The following GRIK3 variants were observed in gnomAD, a reference collection of about 807,000 sequenced individuals.
GRIK3 encodes glutamate receptor ionotropic, kainate 3.
GRIK3 carries 29 observed loss-of-function variants against 102.5 expected under a neutral mutation model. The ratio of observed to expected loss-of-function variants is 0.28; its 90% confidence interval spans 0.21 to 0.39. The LOEUF (loss-of-function observed/expected upper bound fraction) is 0.39. Among genes scored for constraint, GRIK3 ranks in the 10% least tolerant of loss-of-function variants. The pLI, the probability that GRIK3 is intolerant of heterozygous loss-of-function variation, is 1.00. For synonymous variants in GRIK3, 511 were observed against 504.9 expected (o/e 1.01, Z -0.16); for missense variants, 908 against 1,252.4 (o/e 0.73, Z 4.15).
At chr1:36,944,799 C>T (rs373735454) in intron 1 of GRIK3, among the ~76,000 whole-genome samples, 3 of 152,192 alleles carry the variant, frequency 2.0e-5, no homozygotes, top group Non-Finnish European at 2.9e-5. Flanking sequence ...ACCACCTTGA[C>T]GTCTCAAGGC....
At chr1:36,961,406 A>T (rs1445258940) in intron 1 of GRIK3, among the ~76,000 whole-genome samples, 3 of 151,752 alleles carry the variant, frequency 2.0e-5, no homozygotes, top group African/African-American at 7.3e-5. Flanking sequence ...CAGAGGAAAA[A>T]AAAGCAGAAG....
chr1:36,952,947 G>C (rs185590583), intron 1 of GRIK3, among the ~76,000 whole-genome samples: 14 of 152,320 alleles, frequency 9.2e-5, no homozygotes, highest in African/African-American at 2.6e-4. Context: ...CTTGTACAAG[G>C]CAGCTGACAG....
intron 1 of GRIK3, among the ~76,000 whole-genome samples, chr1:36,987,955 G>A (rs1642324050): frequency 6.6e-6 from 1 of 152,192 alleles, no homozygotes; most frequent in Non-Finnish European, 1.5e-5. Flanking sequence ...GGGCACGAAA[G>A]TCACCAGGTC....
At chr1:36,930,143 TGACCC>T (rs1418643876) in intron 1 of GRIK3, among the ~76,000 whole-genome samples, 1 of 152,236 alleles carries the variant, frequency 6.6e-6, no homozygotes, top group Non-Finnish European at 1.5e-5. Flanking sequence ...TCACACAGGA[TGACCC>T]TAATACAATG....
intron 1 of GRIK3, among the ~76,000 whole-genome samples, chr1:36,903,943 G>T (rs1641257814): frequency 6.6e-6 from 1 of 152,078 alleles, no homozygotes; most frequent in African/African-American, 2.4e-5. Context: ...CACCAAGAAT[G>T]AACCTTAATG....
Position 36,806,073 on chromosome 1 carries a change from C to A in GRIK3, c.2314+31G>T. On this transcript the variant is annotated intron_variant, in intron 14 of 15. Transcript: ENST00000373091. The surrounding 1 kb of genome is among the most constrained non-coding windows in gnomAD (Gnocchi z 4.0). ...TGGAGCCCTCCCTCTGCCCACACAC[C>A]CACCCCTCCCACAGGCAGCCCCTCG... 1.3e-6 allele frequency: 2 copies of A among 1,520,420 alleles called. No homozygotes were observed. The highest frequency in any genetic ancestry group is 1.8e-6 in the Non-Finnish European group (2 of 1,099,998). 94.2% of individuals were successfully genotyped at this position (1,520,420 alleles called of 1,614,324 possible).
At chr1:36,976,628 T>C (rs965848649) in intron 1 of GRIK3, among the ~76,000 whole-genome samples, 1 of 152,162 alleles carries the variant, frequency 6.6e-6, no homozygotes, top group Non-Finnish European at 1.5e-5. Flanking sequence ...TGAAATCGAC[T>C]GCATCTCAAG....
At chr1:36,842,827 G>C (rs1000407199) in intron 9 of GRIK3, among the ~76,000 whole-genome samples, 1 of 152,210 alleles carries the variant, frequency 6.6e-6, no homozygotes, top group Non-Finnish European at 1.5e-5. Context: ...AGTTGTGCAA[G>C]CACCCCTAGC....
At position 36,872,372 on chromosome 1, in the gene GRIK3, G is replaced by A; in HGVS notation, c.551-3C>T. 6.3e-7 allele frequency: 1 copy of A among 1,583,830 alleles called. No individual in the cohort carries two copies. The highest frequency in any genetic ancestry group is 1.1e-5 in the South Asian group (1 of 87,154). ...GAGCTCCTGCAGTCGGATGAGCCCT[G>A]AGGGGCCATGGAGCACAAAAGACAC... On this transcript the variant is annotated splice_region_variant and splice_polypyrimidine_tract_variant and intron_variant, in intron 3 of 15. Coordinates refer to ENST00000373091, the MANE Select transcript of GRIK3 (RefSeq NM_000831.4). This position sits in a 1 kb window ranked among gnomAD's most constrained non-coding sequence, Gnocchi z 5.9.
At chr1:36,820,122 A>C (rs1007343599) in intron 11 of GRIK3, among the ~76,000 whole-genome samples, 4 of 152,218 alleles carry the variant, frequency 2.6e-5, no homozygotes, top group Non-Finnish European at 4.4e-5. Context: ...TCCATCCCAG[A>C]AAAAGCACTC....
intron 1 of GRIK3, among the ~76,000 whole-genome samples, chr1:36,974,337 T>C (rs1268911357): frequency 1.3e-5 from 2 of 152,234 alleles, no homozygotes; most frequent in Admixed American, 6.5e-5. Flanking sequence ...TTATTAGTTA[T>C]GTACCTATGG....
intron 1 of GRIK3, among the ~76,000 whole-genome samples, chr1:36,996,535 C>T (rs1003004812): frequency 6.6e-6 from 1 of 152,164 alleles, no homozygotes; most frequent in Admixed American, 6.5e-5. Flanking sequence ...GAGGACAGGG[C>T]TACTCAAAGA....
chr1:36,949,117 C>T (rs181978796), intron 1 of GRIK3, among the ~76,000 whole-genome samples: 6 of 152,324 alleles, frequency 3.9e-5, no homozygotes, highest in African/African-American at 1.2e-4. Flanking sequence ...CAGCCCTGCA[C>T]TGTGGAACAG....
intron 1 of GRIK3, among the ~76,000 whole-genome samples, chr1:36,915,148 T>C (rs1398645489): frequency 6.6e-6 from 1 of 152,218 alleles, no homozygotes; most frequent in African/African-American, 2.4e-5. Context: ...TGTCAAGTAC[T>C]GGGCATACAG....
chr1:36,945,305 A>C (rs3767081), intron 1 of GRIK3, among the ~76,000 whole-genome samples: 42,015 of 152,236 alleles, frequency 0.28, 7,331 homozygotes, highest in East Asian at 0.61. Context: ...TAGAAGAAGC[A>C]GTGGAGTGGA....
In GRIK3 at chr1:36,801,947, A is replaced by C. The variant is rs772179561; in HGVS notation, c.2664T>G (p.Thr888=). 1.9e-6 allele frequency: 3 copies of C among 1,614,054 alleles called. No homozygotes were observed. The highest frequency in any genetic ancestry group is 2.5e-6 in the Non-Finnish European group (3 of 1,180,032). ...ATGTGTGCATGTTGATGACGGCGTC[A>C]GTCTTGACCATCATGGGAGGCTGAG... ...HKPQPPMMVK[T]DAVINMHTFN... is the part of the protein sequence containing the mutation. The change falls in exon 16 of 16, where the codon ACT becomes ACG. Residue 888 remains threonine, a synonymous_variant. Coordinates refer to ENST00000373091, the MANE Select transcript of GRIK3 (RefSeq NM_000831.4).
chr1:37,009,924 C>T lies in GRIK3; in HGVS notation c.115+24070G>A, dbSNP rs1642572650. 2.0e-5 allele frequency among the ~76,000 whole-genome samples: 3 copies of T among 152,090 alleles called. No homozygotes were observed. In the South Asian group the frequency reaches 6.2e-4, roughly 32 times the overall value. The stretch of plus-strand genomic sequence containing the variant: ...GAGCTTGGAGGGGGTGGCCTATGCC[C>T]TGTTAATGGGAGAAGAGGAGGCAAG... On this transcript the variant is annotated intron_variant, in intron 1 of 15. Coordinates refer to ENST00000373091, the MANE Select transcript of GRIK3 (RefSeq NM_000831.4).
chr1:36,910,225 A>G (rs1641329865), intron 1 of GRIK3, among the ~76,000 whole-genome samples: 3 of 152,186 alleles, frequency 2.0e-5, no homozygotes, highest in African/African-American at 7.2e-5. Flanking sequence ...TCACGCTCCC[A>G]GCACCAGGCC....
chr1:36,832,099 G>A (rs1007324439), intron 10 of GRIK3, among the ~76,000 whole-genome samples: 5 of 151,698 alleles, frequency 3.3e-5, no homozygotes, highest in East Asian at 1.9e-4. Context: ...TGCTCTCATC[G>A]CACCAGGCAC....
Sources: gnomAD v4.1 joint callset for allele counts (sites outside exome capture counted in the v4.1 genomes callset) on GRCh38, gnomAD v4.1.1 for gene constraint, Gnocchi (gnomAD v3.1) non-coding constraint, MANE v1.5 for transcripts, NCBI Gene and HGNC (gene_info 2026-07-23, HGNC 2026-07-21) for gene names.